The following TMSB15B variants were observed in gnomAD, a reference collection of about 807,000 sequenced individuals.
TMSB15B encodes thymosin beta-15B.
At chrX:103,940,388 ACAGTGGCTTTGTGGCACTG>A (rs1204784513) in intron 1 of TMSB15B, among the ~76,000 whole-genome samples, 2 of 112,247 alleles carry the variant, frequency 1.8e-5, no homozygotes, top group Non-Finnish European at 3.8e-5. Context: ...CAATCTGGCT[ACAGTGGCTTTGTGGCACTG>A]CAGTGGGCTC....
At chrX:103,931,831 TAAC>T (rs1477023985) in intron 1 of TMSB15B, 1 of 111,713 alleles carries the variant, frequency 9.0e-6, no homozygotes, top group Non-Finnish European at 1.9e-5. Flanking sequence ...GGTTGGGACT[TAAC>T]AGCCTCATTC....
intron 1 of TMSB15B, among the ~76,000 whole-genome samples, chrX:103,926,913 C>G (rs1487829614): frequency 9.1e-6 from 1 of 110,369 alleles, no homozygotes; most frequent in Non-Finnish European, 1.9e-5. Flanking sequence ...CACACCCACA[C>G]AGCTCTGTGC....
chrX:103,928,562 G>T, intron 1 of TMSB15B: 1 of 1,179,178 alleles, frequency 8.5e-7, no homozygotes, highest in Non-Finnish European at 1.2e-6. Context: ...AGCACCTTCA[G>T]CATTCTTGAG....
Position 103,923,852 on chromosome X carries a change from A to G in TMSB15B, c.-721+4560A>G, listed in dbSNP as rs193141009. Reference sequence around the variant, plus strand: ...ATCCATGAGCATGGAAGGTTCTTCCATTTCTTTGTATCCTCTTTTATTTCG... The same window carrying G: ...ATCCATGAGCATGGAAGGTTCTTCCGTTTCTTTGTATCCTCTTTTATTTCG... On this transcript the variant is annotated intron_variant, in intron 1 of 3. Coordinates refer to the TMSB15B transcript ENST00000419165. Among the ~76,000 whole-genome samples, 479 of 111,633 alleles carry G rather than the reference A, an allele frequency of 4.3e-3. 3 individuals carry two copies. The highest frequency in any genetic ancestry group is 0.015 in the African/African-American group (460 of 30,717).
At chrX:103,946,618 C>G (rs782199858) in intron 1 of TMSB15B, among the ~76,000 whole-genome samples, 2 of 111,459 alleles carry the variant, frequency 1.8e-5, no homozygotes, top group South Asian at 3.8e-4. Flanking sequence ...ATAGTACATA[C>G]AGTAAATTGT....
rs1248661775 is a variant in TMSB15B, at chrX:103,952,585, C to T, written c.-720-9436C>T. On this transcript the variant is annotated intron_variant, in intron 1 of 3. Transcript: ENST00000419165. Reference sequence around the variant, plus strand: ...AGGGTGCATTGTGTTTTATTAGTAGCGGAGGGGTGAGATACTGACCTAAAG... The same window carrying T: ...AGGGTGCATTGTGTTTTATTAGTAGTGGAGGGGTGAGATACTGACCTAAAG... Among the ~76,000 whole-genome samples the T allele has an allele frequency of 5.4e-5, 6 of 111,110 alleles. No individual in the cohort carries two copies. In the East Asian group the frequency reaches 1.4e-3, roughly 26 times the overall value.
intron 1 of TMSB15B, among the ~76,000 whole-genome samples, chrX:103,937,579 T>C (rs781918235): frequency 8.9e-6 from 1 of 111,899 alleles, no homozygotes; most frequent in East Asian, 2.8e-4. Flanking sequence ...TTAGTCTGGC[T>C]AGAGGTCTAT....
chrX:103,940,462 G>GA (rs1230178619), intron 1 of TMSB15B, among the ~76,000 whole-genome samples: 2 of 111,522 alleles, frequency 1.8e-5, no homozygotes, highest in East Asian at 2.8e-4. Flanking sequence ...ACTGTGAGGG[G>GA]AAAACCCGTC....
chrX:103,925,884 C>T (rs143191957), intron 1 of TMSB15B, among the ~76,000 whole-genome samples: 21 of 112,083 alleles, frequency 1.9e-4, no homozygotes, highest in African/African-American at 6.8e-4. Flanking sequence ...ACATTTACCT[C>T]ACTACCTGTA....
intron 1 of TMSB15B, chrX:103,919,478 G>C (rs544536744): frequency 8.9e-6 from 1 of 112,138 alleles, no homozygotes; most frequent in Non-Finnish European, 1.9e-5. Context: ...TTCTGTGTGC[G>C]GATGCGCCTG....
At chrX:103,950,297 G>A (rs1329788885) in intron 1 of TMSB15B, among the ~76,000 whole-genome samples, 2 of 111,376 alleles carry the variant, frequency 1.8e-5, no homozygotes, top group African/African-American at 3.3e-5. Context: ...ACATTCCAAA[G>A]GCTCTAAGAC....
chrX:103,948,206 C>A (rs182075622), intron 1 of TMSB15B, among the ~76,000 whole-genome samples: 7 of 112,069 alleles, frequency 6.2e-5, no homozygotes, highest in African/African-American at 1.9e-4. Context: ...AGATGTTCAT[C>A]CTCATGAAAT....
At chrX:103,930,545 C>G (rs781891991) in intron 1 of TMSB15B, among the ~76,000 whole-genome samples, 1 of 110,360 alleles carries the variant, frequency 9.1e-6, no homozygotes, top group African/African-American at 3.3e-5. Context: ...TGCTCAATAA[C>G]ATTGGTCGAA....
intron 1 of TMSB15B, among the ~76,000 whole-genome samples, chrX:103,935,435 G>A (rs1290317632): frequency 1.8e-5 from 2 of 111,993 alleles, no homozygotes; most frequent in African/African-American, 6.5e-5. Flanking sequence ...GTCCTGAGTG[G>A]TATTGCCTAG....
chrX:103,947,623 A>T (rs1180746), intron 1 of TMSB15B, among the ~76,000 whole-genome samples: 42,102 of 111,096 alleles, frequency 0.38, 5,786 homozygotes, highest in Admixed American at 0.54. Flanking sequence ...AACAGGTTTA[A>T]TTCAGTTACA....
chrX:103,935,816 G>A (rs1556321433), intron 1 of TMSB15B, among the ~76,000 whole-genome samples: 1 of 108,322 alleles, frequency 9.2e-6, no homozygotes, highest in African/African-American at 3.4e-5. Context: ...TTGGCAATGC[G>A]GGCTCTTTTT....
chrX:103,929,114 C>A, intron 1 of TMSB15B: 1 of 649,991 alleles, frequency 1.5e-6, no homozygotes, highest in Non-Finnish European at 2.3e-6. Context: ...CCTAATACAG[C>A]CATCTTTTAG....
intron 1 of TMSB15B, among the ~76,000 whole-genome samples, chrX:103,938,541 T>C (rs1223678550): frequency 8.9e-6 from 1 of 112,205 alleles, no homozygotes; most frequent in Non-Finnish European, 1.9e-5. Context: ...TTTGAGCCTA[T>C]GTGTGTCTTT....
At chrX:103,941,187 T>A (rs1165211449) in intron 1 of TMSB15B, among the ~76,000 whole-genome samples, 1 of 112,257 alleles carries the variant, frequency 8.9e-6, no homozygotes, top group African/African-American at 3.2e-5. Flanking sequence ...CGCATTCCTT[T>A]GTTATAGCTC....
Sources: gnomAD v4.1 joint callset for allele counts (sites outside exome capture counted in the v4.1 genomes callset) on GRCh38, gnomAD v4.1.1 for gene constraint, MANE v1.5 for transcripts, NCBI Gene and HGNC (gene_info 2026-07-23, HGNC 2026-07-21) for gene names.